PTPN11: variants seen among roughly 807,000 people sequenced by gnomAD.
PTPN11 encodes tyrosine-protein phosphatase non-receptor type 11.
A neutral mutation model predicts 78.8 loss-of-function variants in PTPN11; 6 were observed. The ratio of observed to expected loss-of-function variants is 0.08; its 90% confidence interval spans 0.04 to 0.15. The LOEUF (loss-of-function observed/expected upper bound fraction) is 0.15, where lower values mean the gene tolerates loss of function less well. Among genes scored for constraint, PTPN11 ranks in the 10% least tolerant of loss-of-function variants. PTPN11 has a pLI of 1.00. For missense variants in PTPN11, 386 were observed against 744.8 expected (o/e 0.52, Z 5.61); for synonymous variants, 221 against 263.5 (o/e 0.84, Z 1.56).
chr12:112,473,752 C>T (rs570133924), intron 7 of PTPN11, among the ~76,000 whole-genome samples: 22 of 151,072 alleles, frequency 1.5e-4, no homozygotes, highest in African/African-American at 5.1e-4. Flanking sequence ...GAGGCTGAGG[C>T]GGGAAATTGG....
At chr12:112,433,282 A>T (rs1016779709) in intron 1 of PTPN11, among the ~76,000 whole-genome samples, 1 of 152,192 alleles carries the variant, frequency 6.6e-6, no homozygotes, top group Non-Finnish European at 1.5e-5. Flanking sequence ...GTACAGTAGC[A>T]TGCTGTACAG....
intron 13 of PTPN11, among the ~76,000 whole-genome samples, 190 bp from the exon 14 acceptor site, chr12:112,501,954 C>T (rs1023624227): frequency 5.3e-5 from 8 of 152,134 alleles, no homozygotes; most frequent in African/African-American, 1.9e-4. Flanking sequence ...ACTTTTCACT[C>T]CTACTGTGTA....
rs1451127417 is a variant in PTPN11, at chr12:112,461,155, G to C, written c.756+5092G>C. Among the ~76,000 whole-genome samples, 9 of 151,968 alleles carry C rather than the reference G, an allele frequency of 5.9e-5. No homozygotes were observed. The East Asian group carries it at 1.7e-3, about 29-fold the overall frequency. On this transcript the variant is annotated intron_variant, in intron 6 of 15. Coordinates refer to ENST00000351677, the MANE Select transcript of PTPN11 (RefSeq NM_002834.5). ...GTTTATGTCCTGTTGTTTCTTCTCT[G>C]ATTTTCTTAGCAGCTCCTGATCATT...
In PTPN11 at chr12:112,477,739, T is replaced by C; in HGVS notation, c.933+9T>C. The C allele has an allele frequency of 6.2e-7, 1 of 1,610,360 alleles. No homozygotes were observed. Among genetic ancestry groups the C allele is most frequent in the Non-Finnish European group, 8.5e-7 (1 of 1,176,508 alleles). Reference sequence around the variant, plus strand: ...ATGCAAATATCATCATGGTAAGCTTTGCTTTTCACAGTGTTTTCTGACCAT... The same window carrying C: ...ATGCAAATATCATCATGGTAAGCTTCGCTTTTCACAGTGTTTTCTGACCAT... On this transcript the variant is annotated intron_variant, in intron 8 of 15. Transcript: ENST00000351677.
chr12:112,482,133 T>G lies in PTPN11; in HGVS notation c.1152T>G (p.Arg384=). 6.2e-7 allele frequency: 1 copy of G among 1,605,390 alleles called. No homozygotes were observed. The highest frequency in any genetic ancestry group is 8.5e-7 in the Non-Finnish European group (1 of 1,172,056). The stretch of plus-strand genomic sequence containing the variant: ...CTCTAAAAGAATATGGCGTCATGCG[T>G]GTTAGGAACGTCAAAGAAAGCGCCG... ...EYALKEYGVM[R]VRNVKESAAH... Residue 384 remains arginine (R), a synonymous_variant, in exon 10 of 16, where the codon CGT becomes CGG. Transcript: ENST00000351677. The surrounding 1 kb of genome is among the most constrained non-coding windows in gnomAD (Gnocchi z 4.4).
intron 1 of PTPN11, among the ~76,000 whole-genome samples, chr12:112,434,640 T>A: frequency 6.6e-6 from 1 of 151,204 alleles, no homozygotes; most frequent in East Asian, 1.9e-4. Flanking sequence ...ATCTTCAAGT[T>A]GTAGTATGTG....
intron 1 of PTPN11, among the ~76,000 whole-genome samples, chr12:112,445,502 C>T (rs2037979245): frequency 6.6e-6 from 1 of 152,142 alleles, no homozygotes; most frequent in Non-Finnish European, 1.5e-5. Context: ...TTACAGTTTG[C>T]ACTAATACCT....
At chr12:112,500,951 CCAGAGTG>C (rs60633068) in intron 13 of PTPN11, among the ~76,000 whole-genome samples, 13,493 of 152,010 alleles carry the variant, frequency 0.089, 629 homozygotes, top group East Asian at 0.23. Context: ...GTTGCCCAGG[CCAGAGTG>C]CAGTGGTGCG....
chr12:112,495,045 T>C (rs554397541), intron 13 of PTPN11, among the ~76,000 whole-genome samples: 9 of 152,230 alleles, frequency 5.9e-5, no homozygotes, highest in Non-Finnish European at 1.3e-4. Context: ...GATGAGTTTA[T>C]TGGGATGTAT....
In PTPN11 at chr12:112,445,095, A is replaced by G. The variant is rs572577547; in HGVS notation, c.15-1181A>G. ...TGTGTGTGTGTGTATTCATAAAAGC[A>G]CATACACATACACATACCCCGAAGC... is the stretch of plus-strand genomic sequence containing the variant. On this transcript the variant is annotated intron_variant, in intron 1 of 15. Transcript: ENST00000351677. 6.6e-5 allele frequency among the ~76,000 whole-genome samples: 10 copies of G among 152,184 alleles called. No homozygotes were observed. In the South Asian group the frequency reaches 1.0e-3, roughly 16 times the overall value.
chr12:112,474,401 T>C (rs2038466886), intron 7 of PTPN11, among the ~76,000 whole-genome samples: 2 of 152,076 alleles, frequency 1.3e-5, no homozygotes, highest in African/African-American at 4.8e-5. Context: ...AAATTTTTTC[T>C]AGGGCGGGGT....
chr12:112,438,357 C>G (rs1417291136), intron 1 of PTPN11, among the ~76,000 whole-genome samples: 3 of 152,104 alleles, frequency 2.0e-5, no homozygotes, highest in Non-Finnish European at 4.4e-5. Flanking sequence ...GGGTCCCACT[C>G]TTGCCCTGGC....
Position 112,418,969 on chromosome 12 carries a change from G to A in PTPN11, c.-143G>A. 1.0e-6 allele frequency: 1 copy of A among 1,004,740 alleles called. No homozygotes were observed. The highest frequency in any genetic ancestry group is 1.5e-6 in the Non-Finnish European group (1 of 675,436). The allele number at this position is 1,004,740 out of a possible 1,614,324, so 62.2% of individuals were successfully genotyped here. On this transcript the variant is annotated 5_prime_UTR_variant, in exon 1 of 16. Transcript: ENST00000351677. ...CACAGTCTCCGGGATCCCCAGGCCT[G>A]GAGGGGGGTCTGTGCGCGGCCGGCT... is the stretch of plus-strand genomic sequence containing the variant.
chr12:112,427,896 G>A (rs1436865624), intron 1 of PTPN11, among the ~76,000 whole-genome samples: 1 of 152,000 alleles, frequency 6.6e-6, no homozygotes, highest in Non-Finnish European at 1.5e-5. Context: ...GACCACAGGT[G>A]CGTACAACTA....
intron 6 of PTPN11, among the ~76,000 whole-genome samples, chr12:112,456,600 C>T (rs979069142): frequency 3.3e-5 from 5 of 151,950 alleles, no homozygotes; most frequent in Non-Finnish European, 7.4e-5. Context: ...GCTGGGACTA[C>T]AGGCACATGC....
intron 6 of PTPN11, among the ~76,000 whole-genome samples, chr12:112,468,972 G>A (rs2038372006): frequency 6.6e-6 from 1 of 152,168 alleles, no homozygotes; most frequent in South Asian, 2.1e-4. Context: ...GCTGAGGTGC[G>A]AGGATCACTT....
At chr12:112,463,377 C>CAAATTTT (rs1159768795) in intron 6 of PTPN11, among the ~76,000 whole-genome samples, 4 of 152,062 alleles carry the variant, frequency 2.6e-5, no homozygotes, top group African/African-American at 9.7e-5. Flanking sequence ...AAATTAGTTT[C>CAAATTTT]TTTAAAACAA....
intron 1 of PTPN11, among the ~76,000 whole-genome samples, chr12:112,439,427 G>A (rs2037846596): frequency 6.6e-6 from 1 of 151,986 alleles, no homozygotes; most frequent in African/African-American, 2.4e-5. Flanking sequence ...CCAAGTAGCT[G>A]GGATTACAGT....
intron 2 of PTPN11, among the ~76,000 whole-genome samples, chr12:112,450,046 A>G (rs2038056829): frequency 6.6e-6 from 1 of 151,468 alleles, no homozygotes; most frequent in Non-Finnish European, 1.5e-5. Flanking sequence ...AGATCACGTC[A>G]TTGCACTCCA....
Sources: allele counts gnomAD v4.1 joint callset (sites outside exome capture counted in the v4.1 genomes callset), GRCh38; gene constraint gnomAD v4.1.1; non-coding constraint Gnocchi (gnomAD v3.1); transcripts MANE v1.5; gene names NCBI Gene and HGNC (gene_info 2026-07-23, HGNC 2026-07-21).